IFT172: variants seen among roughly 807,000 people sequenced by gnomAD.
The protein encoded by IFT172 is intraflagellar transport 172, also known as intraflagellar transport protein 172 homolog.
In IFT172, 164 loss-of-function variants were observed where a neutral mutation model predicts 248.9. The ratio of observed to expected loss-of-function variants is 0.66; its 90% confidence interval spans 0.58 to 0.75. The LOEUF (loss-of-function observed/expected upper bound fraction) is 0.75, where lower values mean the gene tolerates loss of function less well. IFT172 is among the 30% of genes least tolerant of loss of function. The probability of loss-of-function intolerance (pLI) is 0.00; values close to 1 mark genes in which losing one functional copy is unlikely to be tolerated. For missense variants in IFT172, 1,950 were observed against 2,192.4 expected (o/e 0.89, Z 2.21); for synonymous variants, 729 against 791.6 (o/e 0.92, Z 1.33).
At chr2:27,479,952 C>T in intron 9 of IFT172, 74 bp downstream of exon 9, 2 of 1,546,754 alleles carry the variant, frequency 1.3e-6, no homozygotes, top group Non-Finnish European at 1.7e-6. Context: ...GGGAACAGTG[C>T]TTTAGGATAA....
chr2:27,457,943 G>T lies in IFT172; in HGVS notation c.3009C>A (p.Ala1003=), dbSNP rs759650931. The change falls in exon 28 of 48, where the codon GCC becomes GCA. Residue 1003 remains alanine (A), a synonymous_variant. Coordinates refer to ENST00000260570, the MANE Select transcript of IFT172 (RefSeq NM_015662.3). ...LYVTVQEPDL[A]ITMYKKHKLY... ...ACTTGTGCTTTTTGTACATGGTGAT[G>T]GCAAGATCAGGCTCTTGTACTGTCA... The T allele has an allele frequency of 6.2e-7, 1 of 1,614,172 alleles. No homozygotes were observed. The highest frequency in any genetic ancestry group is 1.1e-5 in the South Asian group (1 of 91,078).
intron 42 of IFT172, 82 bp downstream of exon 42, chr2:27,447,433 C>T (rs1665241383): frequency 5.2e-6 from 8 of 1,540,914 alleles, no homozygotes; most frequent in Admixed American, 1.8e-5. Flanking sequence ...GCTGAAGAAT[C>T]CAGAACGTGA....
intron 35 of IFT172, 158 bp downstream of exon 35, chr2:27,453,226 G>A: frequency 3.0e-6 from 3 of 992,618 alleles, no homozygotes; most frequent in Non-Finnish European, 4.9e-6. Flanking sequence ...GCCTTCAGAG[G>A]TTCTGGCTCT....
chr2:27,449,042 G>A lies in IFT172; in HGVS notation c.4312-11C>T, dbSNP rs754145262. Reference sequence around the variant, plus strand: ...CAGAATCTTGTAGTTCTGTACAGGGGTGGAGGAAAAGCATGAGTGAGGCTG... The same window carrying A: ...CAGAATCTTGTAGTTCTGTACAGGGATGGAGGAAAAGCATGAGTGAGGCTG... On this transcript the variant is annotated splice_polypyrimidine_tract_variant and intron_variant, in intron 39 of 47. Coordinates refer to ENST00000260570, the MANE Select transcript of IFT172 (RefSeq NM_015662.3). 5 of 1,476,460 alleles carry A rather than the reference G, an allele frequency of 3.4e-6. No homozygotes were observed. In the African/African-American group the frequency reaches 5.5e-5, roughly 16 times the overall value. The allele number at this position is 1,476,460 out of a possible 1,614,324, so 91.5% of individuals were successfully genotyped here. A position where few individuals can be genotyped will look rare whatever the true frequency, so the allele number is the denominator to read the frequency against.
chr2:27,454,191 CTG>C lies in IFT172; in HGVS notation c.3531-31_3531-30del, dbSNP rs918776652. Reference sequence around the variant, plus strand: ...CCTCCAGGTGGGGACAGAGGAGAGACTGAGTATAGGACTGAGGCCCCAATAGT... The same window carrying C: ...CCTCCAGGTGGGGACAGAGGAGAGACAGTATAGGACTGAGGCCCCAATAGT... On this transcript the variant is annotated intron_variant, in intron 32 of 47. Coordinates refer to ENST00000260570, the MANE Select transcript of IFT172 (RefSeq NM_015662.3). This position sits in a 1 kb window ranked among gnomAD's most constrained non-coding sequence, Gnocchi z 4.2. 6.2e-7 allele frequency: 1 copy of C among 1,607,004 alleles called. No individual in the cohort carries two copies. The highest frequency in any genetic ancestry group is 1.7e-5 in the Admixed American group (1 of 59,488).
Position 27,461,345 on chromosome 2 carries a change from C to G in IFT172, c.2366G>C (p.Arg789Pro). 6.2e-7 allele frequency: 1 copy of G among 1,614,138 alleles called. No homozygotes were observed. Among genetic ancestry groups the G allele is most frequent in the Non-Finnish European group, 8.5e-7 (1 of 1,180,024 alleles). The change falls in exon 22 of 48, where the codon CGA (arginine) becomes CCA (proline). Residue 789 changes from arginine (R) to proline (P), a missense_variant. Coordinates refer to ENST00000260570, the MANE Select transcript of IFT172 (RefSeq NM_015662.3). ...PAKAARLVLT[R>P]EELLANTELV... ...CTCTGTGTTGGCTAGCAGTTCCTCT[C>G]GGGTCAGCACCAGCCGAGCAGCTTT... is the stretch of plus-strand genomic sequence containing the variant.
At chr2:27,448,576 A>G (rs1168125825) in intron 40 of IFT172, among the ~76,000 whole-genome samples, 1 of 152,146 alleles carries the variant, frequency 6.6e-6, no homozygotes, top group African/African-American at 2.4e-5. Context: ...CAGATCAGGG[A>G]GCAGTGTTCA....
In IFT172 at chr2:27,447,826, C is replaced by T. The variant is rs1335960322; in HGVS notation, c.4525G>A (p.Val1509Ile). ...CGCTTCCTCACCAGGTTGAAGAGGA[C>T]ATCTCGAAGATCAGCCCAGCTATGA... ...AYHSWADLRD[V>I]LFNLCENLVK... The change falls in exon 41 of 48, where the codon GTC becomes ATC. Residue 1509 changes from valine to isoleucine, a missense_variant. By Grantham distance (29) the Val-to-Ile change is conservative (BLOSUM62 3). Transcript: ENST00000260570. 6.2e-7 allele frequency: 1 copy of T among 1,612,478 alleles called. No homozygotes were observed. The highest frequency in any genetic ancestry group is 1.1e-5 in the South Asian group (1 of 91,048).
chr2:27,455,221 AC>A (rs1666054474), intron 30 of IFT172: 1 of 327,724 alleles, frequency 3.1e-6, no homozygotes, highest in Non-Finnish European at 5.8e-6. Context: ...AGAGAGGCAA[AC>A]GGCAGGTCCT....
intron 1 of IFT172, among the ~76,000 whole-genome samples, chr2:27,487,385 T>C (rs373420906): frequency 5.9e-5 from 9 of 152,200 alleles, no homozygotes; most frequent in African/African-American, 1.9e-4. Flanking sequence ...AATAAAATAA[T>C]AAGAGCTTGC....
At chr2:27,455,913 C>CAA in intron 30 of IFT172, 6 of 310,296 alleles carry the variant, frequency 1.9e-5, no homozygotes, top group Middle Eastern at 2.6e-3. Context: ...CTGGTGCTTC[C>CAA]AAAAAAAAAG....
At position 27,464,904 on chromosome 2, in the gene IFT172, C is replaced by T. The variant is rs540098466; in HGVS notation, c.1937+507G>A. ...AAGTGCTAGGATTACAGGCATGAGCCGCCGTGCCCAGCCAAGACATATTTT... is the reference window on the plus strand; with the variant it reads ...AAGTGCTAGGATTACAGGCATGAGCTGCCGTGCCCAGCCAAGACATATTTT... On this transcript the variant is annotated intron_variant, in intron 18 of 47. Coordinates refer to ENST00000260570, the MANE Select transcript of IFT172 (RefSeq NM_015662.3). Among the ~76,000 whole-genome samples, 11 of 150,412 alleles carry T rather than the reference C, an allele frequency of 7.3e-5. No individual in the cohort carries two copies. In the South Asian group the frequency reaches 1.9e-3, roughly 26 times the overall value.
At chr2:27,488,959 T>C (rs1274564788) in intron 1 of IFT172, among the ~76,000 whole-genome samples, 1 of 152,230 alleles carries the variant, frequency 6.6e-6, no homozygotes, top group African/African-American at 2.4e-5. Flanking sequence ...GGAAAATCCC[T>C]TGAACCCGGG....
Position 27,445,985 on chromosome 2 carries a change from C to T in IFT172, c.4759G>A (p.Val1587Ile), listed in dbSNP as rs774941853. 5.0e-6 allele frequency: 8 copies of T among 1,614,132 alleles called. No homozygotes were observed. The Admixed American group carries it at 1.0e-4, about 20-fold the overall frequency. The change falls in exon 44 of 48, where the codon GTT becomes ATT. Residue 1587 changes from valine to isoleucine, a missense_variant. By Grantham distance (29) the Val-to-Ile change is conservative. Transcript: ENST00000260570. The surrounding 1 kb of genome is among the most constrained non-coding windows in gnomAD (Gnocchi z 4.4). ...ATGAATGCCATGTTATCCCAGCCAA[C>T]TGCCTGCAGCAAAGAAGAGTTGCAA... ...FYEAGIAAKA[V>I]GWDNMAFIFL...
intron 47 of IFT172, 110 bp from the exon 48 acceptor site, chr2:27,444,631 C>T (rs1194238784): frequency 1.2e-6 from 1 of 806,440 alleles, no homozygotes; most frequent in Non-Finnish European, 2.0e-6. Flanking sequence ...TCCCACCCAT[C>T]TTTCTAGTGT....
At chr2:27,481,465 A>T (rs1668365274) in intron 7 of IFT172, among the ~76,000 whole-genome samples, 1 of 151,400 alleles carries the variant, frequency 6.6e-6, no homozygotes, top group South Asian at 2.1e-4. Context: ...ACACACACAC[A>T]CACACCCCTA....
chr2:27,449,948 C>A, intron 36 of IFT172, 50 bp downstream of exon 36: 1 of 1,522,950 alleles, frequency 6.6e-7, no homozygotes, highest in East Asian at 2.3e-5. Flanking sequence ...GTCACCCTTG[C>A]ACCCATCTCT....
chr2:27,484,240 T>C lies in IFT172; in HGVS notation c.323A>G (p.Lys108Arg). ...TCTGAACTTTACCGTCTGGATGAAC[T>C]TGTTGCAGATGACTTTCTTGTCACC... ...DWGDKKVICNKFIQTSAVTCL... is the reference protein window; with the variant it reads ...DWGDKKVICNRFIQTSAVTCL... Residue 108 changes from lysine to arginine, a missense_variant, in exon 4 of 48, where the codon AAG (lysine) becomes AGG (arginine). Transcript: ENST00000260570. The C allele has an allele frequency of 1.2e-6, 2 of 1,614,090 alleles. No individual in the cohort carries two copies. Among genetic ancestry groups the C allele is most frequent in the Non-Finnish European group, 1.7e-6 (2 of 1,179,954 alleles).
chr2:27,477,262 G>T lies in IFT172; in HGVS notation c.1280C>A (p.Thr427Asn). The T allele has an allele frequency of 6.2e-7, 1 of 1,614,172 alleles. No individual in the cohort carries two copies. The change falls in exon 13 of 48, where the codon ACC becomes AAC. Residue 427 changes from threonine (T) to asparagine (N), a missense_variant. By Grantham distance (65) the Thr-to-Asn change is moderately conservative (BLOSUM62 0). Around this residue, in one of 3 missense-constraint regions of IFT172, gnomAD observed 1,166 missense variants for 1,254.1 expected, o/e 0.93. Coordinates refer to ENST00000260570, the MANE Select transcript of IFT172 (RefSeq NM_015662.3). The part of the protein sequence containing the change: ...LTLVEYGNND[T>N]LGSVRTEFMN... ...GAATTCAGTGCGTACAGAACCCAGG[G>T]TGTCATTATTCCCATATTCCACCAG... is the stretch of plus-strand genomic sequence containing the variant.
Sources: gnomAD v4.1 joint callset for allele counts (sites outside exome capture counted in the v4.1 genomes callset) on GRCh38, gnomAD v4.1.1 for gene constraint, gnomAD v4.1.1 regional missense constraint, Gnocchi (gnomAD v3.1) non-coding constraint, MANE v1.5 for transcripts, NCBI Gene and HGNC (gene_info 2026-07-23, HGNC 2026-07-21) for gene names.